TBC1D22A: variants seen among roughly 807,000 people sequenced by gnomAD.
The protein encoded by TBC1D22A is putative GTPase activator.
A neutral mutation model predicts 60.2 loss-of-function variants in TBC1D22A; 38 were observed. The ratio of observed to expected loss-of-function variants is 0.63; its 90% CI spans 0.49 to 0.83. TBC1D22A has a LOEUF of 0.83. Among genes scored for constraint, TBC1D22A ranks in the 40% least tolerant of loss-of-function variants. TBC1D22A has a pLI of 0.00. For missense variants in TBC1D22A, 628 were observed against 701.0 expected, an observed-to-expected ratio of 0.90 and a Z score of 1.18; for synonymous variants, 302 against 281.7, an observed-to-expected ratio of 1.07 and a Z score of -0.72.
At chr22:47,039,054 A>G (rs1186384487) in intron 11 of TBC1D22A, among the ~76,000 whole-genome samples, 1 of 152,176 alleles carries the variant, frequency 6.6e-6, no homozygotes, top group Non-Finnish European at 1.5e-5. Context: ...TACTGTCCCC[A>G]TTACGAATAA....
At position 46,762,863 on chromosome 22, in the gene TBC1D22A, GA is replaced by G; in HGVS notation, c.62+16del. On this transcript the variant is annotated intron_variant, in intron 1 of 12. Coordinates refer to ENST00000337137, the MANE Select transcript of TBC1D22A (RefSeq NM_014346.5). ...CTCCCGGGCAGGTGGGTGTGCCGCG[GA>G]GGGCCAGGTCGGGGTCAGGGGTCAG... 8.2e-6 allele frequency: 12 copies of G among 1,469,866 alleles called. No homozygotes were observed. The highest frequency in any genetic ancestry group is 1.1e-5 in the Non-Finnish European group (12 of 1,116,530). The allele number at this position is 1,469,866 out of a possible 1,614,324, so 91.1% of individuals were successfully genotyped here.
At chr22:46,780,740 C>G (rs1024427723) in intron 1 of TBC1D22A, among the ~76,000 whole-genome samples, 3 of 152,148 alleles carry the variant, frequency 2.0e-5, no homozygotes, top group Non-Finnish European at 4.4e-5. Flanking sequence ...CAGGACCAGC[C>G]CGGGCCTGGT....
chr22:46,912,566 GTTTAT>G (rs2070025836), intron 8 of TBC1D22A, among the ~76,000 whole-genome samples: 2 of 152,032 alleles, frequency 1.3e-5, no homozygotes, highest in Admixed American at 1.3e-4. Flanking sequence ...TTATCTATCT[GTTTAT>G]TTTGAGACGG....
chr22:46,803,541 C>T (rs1441925187), intron 4 of TBC1D22A, among the ~76,000 whole-genome samples: 1 of 152,182 alleles, frequency 6.6e-6, no homozygotes, highest in African/African-American at 2.4e-5. Flanking sequence ...CCTCTAGTGG[C>T]CAGGTGCTGT....
At chr22:46,973,542 T>C (rs1382335990) in intron 8 of TBC1D22A, among the ~76,000 whole-genome samples, 1 of 152,202 alleles carries the variant, frequency 6.6e-6, no homozygotes, top group African/African-American at 2.4e-5. Flanking sequence ...CTTGCGAAGA[T>C]GCCATGCAAA....
intron 11 of TBC1D22A, among the ~76,000 whole-genome samples, chr22:47,085,526 G>A (rs1225657690): frequency 1.3e-5 from 2 of 152,118 alleles, no homozygotes; most frequent in Non-Finnish European, 1.5e-5. Context: ...GCTGGGCAGA[G>A]CTCTCCCAAT....
At chr22:46,837,453 C>T (rs1384233835) in intron 4 of TBC1D22A, among the ~76,000 whole-genome samples, 1 of 152,120 alleles carries the variant, frequency 6.6e-6, no homozygotes, top group East Asian at 1.9e-4. Flanking sequence ...ACATTCTTCT[C>T]AAGTCATAAG....
chr22:46,821,149 C>T (rs2085812029), intron 4 of TBC1D22A, among the ~76,000 whole-genome samples: 1 of 149,350 alleles, frequency 6.7e-6, no homozygotes, highest in Non-Finnish European at 1.5e-5. Context: ...AGATGGGTCT[C>T]TTGAATACAG....
At chr22:47,066,988 A>G (rs2147487201) in intron 11 of TBC1D22A, among the ~76,000 whole-genome samples, 1 of 152,270 alleles carries the variant, frequency 6.6e-6, no homozygotes, top group East Asian at 1.9e-4. Context: ...CATTTTGGCC[A>G]GGCGCGGTGG....
At chr22:46,930,699 G>A (rs1338018563) in intron 8 of TBC1D22A, among the ~76,000 whole-genome samples, 1 of 151,064 alleles carries the variant, frequency 6.6e-6, no homozygotes. Context: ...TCCTGACCTC[G>A]TGATCCACCT....
chr22:47,075,806 A>G (rs2064182025), intron 11 of TBC1D22A, among the ~76,000 whole-genome samples: 1 of 151,560 alleles, frequency 6.6e-6, no homozygotes, highest in African/African-American at 2.5e-5. Flanking sequence ...TGACACACAC[A>G]CACACACACA....
intron 12 of TBC1D22A, among the ~76,000 whole-genome samples, chr22:47,153,103 G>A (rs1015679800): frequency 1.2e-4 from 18 of 152,286 alleles, no homozygotes; most frequent in Admixed American, 9.8e-4. Context: ...TCCATTCTCA[G>A]AGGCACCTCG....
rs191362552 is a variant in TBC1D22A at position 46,826,031 on chromosome 22, C to T, written c.637+28411C>T. Among the ~76,000 whole-genome samples, 38 of 152,150 alleles carry T rather than the reference C, an allele frequency of 2.5e-4. 1 individual carries two copies. Among genetic ancestry groups the T allele is most frequent in the African/African-American group, 8.7e-4 (36 of 41,510 alleles). On this transcript the variant is annotated intron_variant, in intron 4 of 12. Transcript: ENST00000337137. ...CCGAGTAGCTGGGACTGCAGGTGCC[C>T]ACCACCACGCCTGGCTAATTTTTTG...
At chr22:46,910,062 T>G (rs2069797807) in intron 7 of TBC1D22A, among the ~76,000 whole-genome samples, 1 of 152,202 alleles carries the variant, frequency 6.6e-6, no homozygotes, top group Non-Finnish European at 1.5e-5. Flanking sequence ...TTGAGTGGGT[T>G]TGGTCTTTGA....
In TBC1D22A at chr22:47,175,540, C is replaced by T. The variant is rs1174001707; in HGVS notation, c.*1914C>T. ...AAACAGGAAGCTCCACGGAGTTCAG[C>T]CCTGTGTGCATTTCCTCATGTATGT... On this transcript the variant is annotated 3_prime_UTR_variant, in exon 13 of 13. Coordinates refer to ENST00000337137, the MANE Select transcript of TBC1D22A (RefSeq NM_014346.5). 1.3e-5 allele frequency: 2 copies of T among 152,176 alleles called. No homozygotes were observed. Among genetic ancestry groups the T allele is most frequent in the African/African-American group, 4.8e-5 (2 of 41,344 alleles). The allele number at this position is 152,176 out of a possible 1,614,324, so 9.4% of individuals were successfully genotyped here.
At chr22:46,862,248 C>T (rs2087932944) in intron 4 of TBC1D22A, among the ~76,000 whole-genome samples, 1 of 152,220 alleles carries the variant, frequency 6.6e-6, no homozygotes, top group Non-Finnish European at 1.5e-5. Flanking sequence ...ATGAGGTCTT[C>T]TCGCTCTTAG....
At chr22:47,010,937 G>A (rs996979771) in intron 10 of TBC1D22A, among the ~76,000 whole-genome samples, 1 of 152,172 alleles carries the variant, frequency 6.6e-6, no homozygotes, top group African/African-American at 2.4e-5. Context: ...CTCTGGCCTT[G>A]GGCTGCTGCG....
At position 46,792,544 on chromosome 22, in the gene TBC1D22A, G is replaced by A; in HGVS notation, c.87G>A (p.Gln29=). Residue 29 remains glutamine, a synonymous_variant, in exon 2 of 13, where the codon CAG becomes CAA. Transcript: ENST00000337137. ...GCATCCAGCACGTGTATGGTGCCCA[G>A]CACCCCCCCTTTGATCCACTGTTAC... ...PGSIQHVYGA[Q]HPPFDPLLHG... is the part of the protein sequence containing the mutation. The A allele has an allele frequency of 2.5e-6, 4 of 1,614,216 alleles. No homozygotes were observed. Among genetic ancestry groups the A allele is most frequent in the Non-Finnish European group, 3.4e-6 (4 of 1,180,038 alleles).
At chr22:46,953,931 G>A (rs2148019514) in intron 8 of TBC1D22A, among the ~76,000 whole-genome samples, 1 of 152,382 alleles carries the variant, frequency 6.6e-6, no homozygotes, top group Middle Eastern at 3.4e-3. Context: ...GAAGCTGAGA[G>A]TTGATCAGGT....
Sources: allele counts gnomAD v4.1 joint callset (sites outside exome capture counted in the v4.1 genomes callset), GRCh38; gene constraint gnomAD v4.1.1; transcripts MANE v1.5; gene names NCBI Gene and HGNC (gene_info 2026-07-23, HGNC 2026-07-21).